GTPBP4: variants seen among roughly 807,000 people sequenced by gnomAD.
GTPBP4 encodes GTP binding protein 4.
A neutral mutation model predicts 81.7 loss-of-function variants in GTPBP4; 15 were observed. That is an observed-to-expected ratio of 0.18 (90% confidence interval 0.12 to 0.28). GTPBP4 has a LOEUF of 0.28. Among genes scored for constraint, GTPBP4 ranks in the 10% least tolerant of loss-of-function variants. The probability of loss-of-function intolerance (pLI) is 1.00; values close to 1 mark genes in which losing one functional copy is unlikely to be tolerated. For synonymous variants in GTPBP4, 272 were observed against 274.6 expected (o/e 0.99, Z 0.09); for missense variants, 847 against 793.8 (o/e 1.07, Z -0.81).
chr10:999,190 T>G, intron 6 of GTPBP4, 95 bp downstream of exon 6: 3 of 716,502 alleles, frequency 4.2e-6, no homozygotes, highest in Non-Finnish European at 7.5e-6. Flanking sequence ...ATGATCTCAG[T>G]CCACTGCAAC....
Position 1,012,503 on chromosome 10 carries a change from A to G in GTPBP4, c.1383A>G (p.Thr461=). 6.2e-7 allele frequency: 1 copy of G among 1,611,120 alleles called. No individual in the cohort carries two copies. Among genetic ancestry groups the G allele is most frequent in the Non-Finnish European group, 8.5e-7 (1 of 1,178,324 alleles). ...TAGAAAAAGAAGAAGAGCTGAGAAC[A>G]GCTGCTGGAGAGTATGACAGTGTAT... The part of the protein sequence containing the change: ...EELEKEEELR[T]AAGEYDSVSE... Residue 461 remains threonine (T), a synonymous_variant, in exon 14 of 17, where the codon ACA becomes ACG. Coordinates refer to ENST00000360803, the MANE Select transcript of GTPBP4 (RefSeq NM_012341.3).
chr10:1,015,902 T>C lies in GTPBP4; in HGVS notation c.1752+6T>C, dbSNP rs1159604981. ...CTGGTCTTAGGGATGTCAAGGTCAG[T>C]CTCTGTGTTGTGTAATGTAATAAAA... is the stretch of plus-strand genomic sequence containing the variant. On this transcript the variant is annotated splice_donor_region_variant and intron_variant, in intron 16 of 16. Coordinates refer to ENST00000360803, the MANE Select transcript of GTPBP4 (RefSeq NM_012341.3). 1.2e-6 allele frequency: 2 copies of C among 1,608,924 alleles called. No individual in the cohort carries two copies. The highest frequency in any genetic ancestry group is 3.4e-5 in the Admixed American group (2 of 59,512).
intron 15 of GTPBP4, among the ~76,000 whole-genome samples, chr10:1,015,006 C>G (rs916995741): frequency 2.0e-5 from 3 of 152,200 alleles, no homozygotes; most frequent in African/African-American, 7.2e-5. Context: ...ATGGTTGTCC[C>G]TTTGTGTTCA....
At chr10:1,004,378 A>G (rs12770910) in intron 8 of GTPBP4, among the ~76,000 whole-genome samples, 18,928 of 152,092 alleles carry the variant, frequency 0.12, 1,583 homozygotes, top group Non-Finnish European at 0.19. Context: ...TCCAGGGAGC[A>G]GGTGCTGGAG....
In GTPBP4 at chr10:1,018,326, A is replaced by C. The variant is rs12259230; in HGVS notation, c.*1099A>C. ...TGTAATCCTAGCTGCTCGGGAGGCT[A>C]AGGCAGGAGAATTGCTTGAGCCCAG... On this transcript the variant is annotated 3_prime_UTR_variant, in exon 17 of 17. Transcript: ENST00000360803. 6.6e-6 allele frequency: 1 copy of C among 151,954 alleles called. No individual in the cohort carries two copies. The highest frequency in any genetic ancestry group is 6.6e-5 in the Admixed American group (1 of 15,234). 9.4% of individuals were successfully genotyped at this position (151,954 alleles called of 1,614,324 possible). A position where few individuals can be genotyped will look rare whatever the true frequency, so the allele number is the denominator to read the frequency against.
intron 9 of GTPBP4, among the ~76,000 whole-genome samples, chr10:1,006,735 G>A (rs1466986352): frequency 1.3e-5 from 2 of 152,328 alleles, no homozygotes; most frequent in Admixed American, 6.5e-5. Context: ...TTTGTTGCTC[G>A]GTTAGAGTCC....
At chr10:1,012,337 G>A (rs1211133094) in intron 13 of GTPBP4, 128 bp from the exon 14 acceptor site, 1 of 647,228 alleles carries the variant, frequency 1.5e-6, no homozygotes, top group Non-Finnish European at 2.7e-6. Context: ...GCCCAGGTGG[G>A]TCTGGACCAG....
At position 1,019,521 on chromosome 10, in the gene GTPBP4, A is replaced by G; in HGVS notation, c.*2294A>G. ...CTGACTCGACCTCCCTGCCTCTCAC[A>G]CTCTGTGTATTTTGTGAAGCTCCAC... is the stretch of plus-strand genomic sequence containing the variant. On this transcript the variant is annotated 3_prime_UTR_variant, in exon 17 of 17. Transcript: ENST00000360803. 6.2e-7 allele frequency: 1 copy of G among 1,610,816 alleles called. No individual in the cohort carries two copies. Among genetic ancestry groups the G allele is most frequent in the Non-Finnish European group, 8.5e-7 (1 of 1,177,864 alleles).
In GTPBP4 at chr10:1,012,529, C is replaced by T; in HGVS notation, c.1409C>T (p.Ser470Phe). Residue 470 changes from serine to phenylalanine, a missense_variant, in exon 14 of 17, where the codon TCT becomes TTT. Ser to Phe is a radical substitution (Grantham distance 155, BLOSUM62 -2). Transcript: ENST00000360803. The stretch of plus-strand genomic sequence containing the variant: ...GCTGCTGGAGAGTATGACAGTGTAT[C>T]TGAGAGTGAAGACGAAGAGATGCTG... ...RTAAGEYDSV[S>F]ESEDEEMLEI... is the part of the protein sequence containing the mutation. 1 of 1,613,038 alleles carries T rather than the reference C, an allele frequency of 6.2e-7. No individual in the cohort carries two copies. The highest frequency in any genetic ancestry group is 8.5e-7 in the Non-Finnish European group (1 of 1,179,038).
intron 10 of GTPBP4, chr10:1,007,852 G>C (rs761268528): frequency 2.0e-6 from 1 of 511,760 alleles, no homozygotes; most frequent in Admixed American, 2.0e-5. Context: ...TGCTGGGTGC[G>C]GTTGAGCATG....
Position 992,316 on chromosome 10 carries a change from C to A in GTPBP4, c.49-173C>A, listed in dbSNP as rs140877292. Among the ~76,000 whole-genome samples, 781 of 150,116 alleles carry A rather than the reference C, an allele frequency of 5.2e-3. 8 individuals carry two copies. Among genetic ancestry groups the A allele is most frequent in the African/African-American group, 0.018 (723 of 40,798 alleles). On this transcript the variant is annotated intron_variant, in intron 1 of 16. Transcript: ENST00000360803. ...TCTGGAGGCTGAGGCAGGATAATGG[C>A]ATGAACCTGGGAGGCGGAGCTTGCA...
chr10:1,013,247 G>C (rs1831913837), intron 14 of GTPBP4, among the ~76,000 whole-genome samples: 1 of 151,812 alleles, frequency 6.6e-6, no homozygotes, highest in Non-Finnish European at 1.5e-5. Flanking sequence ...GCCTCCCAAA[G>C]TGCTGAGATT....
Position 1,017,125 on chromosome 10 carries a change from T to A in GTPBP4, c.1803T>A (p.Asn601Lys). Reference sequence around the variant, plus strand: ...TGAAGAATGCTCAGAAGAAGATGAATCGGTTGGGGAAGAAAGGGGAGGCGG... The same window carrying A: ...TGAAGAATGCTCAGAAGAAGATGAAACGGTTGGGGAAGAAAGGGGAGGCGG... ...TMMKNAQKKMNRLGKKGEADR... is the reference protein window; with the variant it reads ...TMMKNAQKKMKRLGKKGEADR... The change falls in exon 17 of 17, where the codon AAT becomes AAA. Residue 601 changes from asparagine to lysine, a missense_variant. Physicochemically the swap from Asn to Lys is moderately conservative, Grantham distance 94. Around this residue, in one of 3 missense-constraint regions of GTPBP4, gnomAD observed 600 missense variants for 557.1 expected, o/e 1.08. Transcript: ENST00000360803. 6.2e-7 allele frequency: 1 copy of A among 1,613,754 alleles called. No individual in the cohort carries two copies. The highest frequency in any genetic ancestry group is 1.1e-5 in the South Asian group (1 of 91,058).
chr10:992,401 A>AG, intron 1 of GTPBP4, 88 bp from the exon 2 acceptor site: 6 of 349,868 alleles, frequency 1.7e-5, no homozygotes, highest in Admixed American at 5.9e-5. Context: ...CTCTGTCTCA[A>AG]AAAAAAAAAA....
At chr10:1,016,152 G>A (rs1448781814) in intron 16 of GTPBP4, among the ~76,000 whole-genome samples, 1 of 152,200 alleles carries the variant, frequency 6.6e-6, no homozygotes, top group Non-Finnish European at 1.5e-5. Flanking sequence ...TGGTCTGACA[G>A]CACTAGCAGT....
At chr10:988,641 C>G (rs2132150030) in intron 1 of GTPBP4, 114 bp downstream of exon 1, 1 of 771,448 alleles carries the variant, frequency 1.3e-6, no homozygotes, top group Non-Finnish European at 2.2e-6. Flanking sequence ...CGCCCATCCC[C>G]CGCTCCTGGG....
Position 1,017,931 on chromosome 10 carries a change from C to T in GTPBP4, c.*704C>T, listed in dbSNP as rs1262688963. 6.6e-6 allele frequency: 1 copy of T among 152,198 alleles called. No individual in the cohort carries two copies. The highest frequency in any genetic ancestry group is 1.5e-5 in the Non-Finnish European group (1 of 68,048). The allele number at this position is 152,198 out of a possible 1,614,324, so 9.4% of individuals were successfully genotyped here. On this transcript the variant is annotated 3_prime_UTR_variant, in exon 17 of 17. Transcript: ENST00000360803. ...AACACCGCCAATGCCACCTCAAAAG[C>T]ACCTGCTGGGGAGCGTTGGGGTGAA...
Position 1,005,904 on chromosome 10 carries a change from A to G in GTPBP4, c.999A>G (p.Thr333=). The G allele has an allele frequency of 6.5e-7, 1 of 1,536,518 alleles. No individual in the cohort carries two copies. The highest frequency in any genetic ancestry group is 8.9e-7 in the Non-Finnish European group (1 of 1,119,254). Reference sequence around the variant, plus strand: ...AGGAAGGTGTTATTAAAGTTAAAACAGAGGTCAGTGCTGCCTTAAGTCAGG... The same window carrying G: ...AGGAAGGTGTTATTAAAGTTAAAACGGAGGTCAGTGCTGCCTTAAGTCAGG... ...LTEEGVIKVK[T]EACDRLLAHR... Residue 333 remains threonine, a synonymous_variant, in exon 9 of 17, where the codon ACA becomes ACG. Coordinates refer to ENST00000360803, the MANE Select transcript of GTPBP4 (RefSeq NM_012341.3).
chr10:990,806 GAC>G (rs998008389), intron 1 of GTPBP4, among the ~76,000 whole-genome samples: 12 of 149,372 alleles, frequency 8.0e-5, no homozygotes, highest in African/African-American at 3.0e-4. Context: ...TATCATGGAG[GAC>G]ACACATGGAT....
Sources: gnomAD v4.1 joint callset for allele counts (sites outside exome capture counted in the v4.1 genomes callset) on GRCh38, gnomAD v4.1.1 for gene constraint, gnomAD v4.1.1 regional missense constraint, MANE v1.5 for transcripts, NCBI Gene and HGNC (gene_info 2026-07-23, HGNC 2026-07-21) for gene names.